GLRA3: variants seen among roughly 807,000 people sequenced by gnomAD.
The protein encoded by GLRA3 is glycine receptor alpha 3, also known as glycine receptor subunit alpha-3.
Under a neutral mutation model 60.4 loss-of-function variants are expected in GLRA3, and 44 were observed. The observed-to-expected ratio is 0.73, with a 90% CI of 0.57 to 0.94. The LOEUF is 0.94. Ranked by LOEUF, GLRA3 falls within the 40% of genes least tolerant of loss-of-function variation. The probability of loss-of-function intolerance (pLI) is 0.00; values close to 1 mark genes in which losing one functional copy is unlikely to be tolerated. For synonymous variants in GLRA3, 223 were observed against 192.9 expected, an observed-to-expected ratio of 1.16 and a Z score of -1.29; for missense variants, 508 against 564.6, an observed-to-expected ratio of 0.90 and a Z score of 1.02.
intron 5 of GLRA3, among the ~76,000 whole-genome samples, chr4:174,709,105 T>C (rs1488983715): frequency 6.6e-6 from 1 of 152,040 alleles, no homozygotes. Flanking sequence ...AACGTATCCG[T>C]TGAAAATTAC....
At chr4:174,771,633 CAGGAGGAAGCTACTATT>C (rs1388431178) in intron 2 of GLRA3, among the ~76,000 whole-genome samples, 1 of 151,968 alleles carries the variant, frequency 6.6e-6, no homozygotes, top group African/African-American at 2.4e-5. Flanking sequence ...GAACATGGCC[CAGGAGGAAGCTACTATT>C]AGACCACTGC....
At chr4:174,782,012 C>CT (rs1738898235) in intron 2 of GLRA3, among the ~76,000 whole-genome samples, 1 of 146,108 alleles carries the variant, frequency 6.8e-6, no homozygotes, top group African/African-American at 2.5e-5. Flanking sequence ...GAGACACAAC[C>CT]AAAAAAGAGA....
In GLRA3 at chr4:174,656,806, G is replaced by A. The variant is rs757421740; in HGVS notation, c.1072-19C>T. On this transcript the variant is annotated intron_variant, in intron 8 of 9. Coordinates refer to ENST00000274093, the MANE Select transcript of GLRA3 (RefSeq NM_006529.4). ...CTTCTGTCTGTGGGAAGGTAAAGTG[G>A]ACCAAGAGGAATTGAGAAACCAGAG... is the stretch of plus-strand genomic sequence containing the variant. 1.3e-5 allele frequency: 20 copies of A among 1,496,448 alleles called. 1 individual carries two copies. In the African/African-American group the frequency reaches 2.3e-4, roughly 18 times the overall value. 92.7% of individuals were successfully genotyped at this position (1,496,448 alleles called of 1,614,324 possible).
At chr4:174,819,625 G>A (rs531448048) in intron 1 of GLRA3, among the ~76,000 whole-genome samples, 5 of 151,972 alleles carry the variant, frequency 3.3e-5, no homozygotes, top group Admixed American at 2.0e-4. Flanking sequence ...TTACTATTTC[G>A]GGTAGTTATT....
intron 1 of GLRA3, among the ~76,000 whole-genome samples, chr4:174,794,279 G>T (rs1299996801): frequency 6.6e-6 from 1 of 152,096 alleles, no homozygotes; most frequent in African/African-American, 2.4e-5. Flanking sequence ...AGTGGATGTA[G>T]AGATGTCATC....
intron 3 of GLRA3, among the ~76,000 whole-genome samples, chr4:174,753,424 A>G (rs983497363): frequency 6.6e-6 from 1 of 152,234 alleles, no homozygotes; most frequent in Non-Finnish European, 1.5e-5. Context: ...TTGACATGCT[A>G]GATTCATAAC....
chr4:174,704,997 T>C (rs1735462431), intron 5 of GLRA3, among the ~76,000 whole-genome samples: 1 of 143,696 alleles, frequency 7.0e-6, no homozygotes, highest in Non-Finnish European at 1.5e-5. Context: ...ATGAAATAGT[T>C]TGGGAGATTG....
chr4:174,790,953 G>A (rs538166741), intron 1 of GLRA3, among the ~76,000 whole-genome samples: 4 of 148,344 alleles, frequency 2.7e-5, no homozygotes, highest in African/African-American at 7.5e-5. Flanking sequence ...GCAGTGAGCC[G>A]AGATCACGCG....
intron 3 of GLRA3, among the ~76,000 whole-genome samples, chr4:174,752,994 T>C (rs184547427): frequency 7.2e-5 from 11 of 152,318 alleles, no homozygotes; most frequent in Non-Finnish European, 1.5e-4. Context: ...GCTTATGTTA[T>C]CAAGCCTCCT....
intron 1 of GLRA3, among the ~76,000 whole-genome samples, chr4:174,810,768 A>AGC (rs1418887421): frequency 6.6e-6 from 1 of 152,230 alleles, no homozygotes; most frequent in Admixed American, 6.5e-5. Context: ...TTACCACAGT[A>AGC]GCAGCTTCAT....
intron 9 of GLRA3, among the ~76,000 whole-genome samples, chr4:174,655,903 A>G (rs574551264): frequency 6.6e-6 from 1 of 152,272 alleles, no homozygotes; most frequent in South Asian, 2.1e-4. Context: ...TACTGCAAGA[A>G]TTATTTAACA....
At chr4:174,728,219 G>A (rs1736395130) in intron 4 of GLRA3, among the ~76,000 whole-genome samples, 1 of 152,052 alleles carries the variant, frequency 6.6e-6, no homozygotes, top group South Asian at 2.1e-4. Context: ...CTGACAACCT[G>A]GCTGATATTA....
rs960351031 is a variant in GLRA3 at position 174,640,873 on chromosome 4, A to G, written c.*2913T>C. The G allele has an allele frequency of 6.6e-6, 1 of 152,098 alleles. No homozygotes were observed. The highest frequency in any genetic ancestry group is 1.5e-5 in the Non-Finnish European group (1 of 67,970). The allele number at this position is 152,098 out of a possible 1,614,324, so 9.4% of individuals were successfully genotyped here. On this transcript the variant is annotated 3_prime_UTR_variant, in exon 10 of 10. Transcript: ENST00000274093. ...CCACTGAGAGTTGGATGGGGTCTCC[A>G]GCGCCATGGAGAAACTTTTGGAAGG...
intron 5 of GLRA3, among the ~76,000 whole-genome samples, chr4:174,714,692 T>C (rs1266562408): frequency 6.6e-6 from 1 of 152,190 alleles, no homozygotes; most frequent in Admixed American, 6.5e-5. Flanking sequence ...AACAGTCCTT[T>C]TATTCCCCCT....
intron 1 of GLRA3, among the ~76,000 whole-genome samples, chr4:174,808,960 T>C (rs72708274): frequency 0.13 from 19,123 of 152,058 alleles, 1,281 homozygotes; most frequent in South Asian, 0.17. Context: ...AGAAAGAAAA[T>C]ATTTTTTAAT....
intron 3 of GLRA3, among the ~76,000 whole-genome samples, chr4:174,752,964 T>C (rs1256653580): frequency 6.6e-6 from 1 of 152,204 alleles, no homozygotes; most frequent in African/African-American, 2.4e-5. Context: ...TGTTTCTTCA[T>C]GTTCTCCATA....
At chr4:174,801,289 C>T (rs1184880771) in intron 1 of GLRA3, among the ~76,000 whole-genome samples, 1 of 152,022 alleles carries the variant, frequency 6.6e-6, no homozygotes, top group African/African-American at 2.4e-5. Context: ...ACTTTTTTCT[C>T]TAATGACACG....
intron 3 of GLRA3, among the ~76,000 whole-genome samples, chr4:174,746,456 G>A (rs914711631): frequency 1.3e-5 from 2 of 152,046 alleles, no homozygotes; most frequent in South Asian, 2.1e-4. Flanking sequence ...ATCACTTCAC[G>A]GACATAGAGA....
chr4:174,723,177 TA>T (rs1417468213), intron 4 of GLRA3, among the ~76,000 whole-genome samples: 1 of 152,136 alleles, frequency 6.6e-6, no homozygotes, highest in African/African-American at 2.4e-5. Flanking sequence ...TAATTGTATT[TA>T]AATTATTTAA....
Sources: allele counts gnomAD v4.1 joint callset (sites outside exome capture counted in the v4.1 genomes callset), GRCh38; gene constraint gnomAD v4.1.1; transcripts MANE v1.5; gene names NCBI Gene and HGNC (gene_info 2026-07-23, HGNC 2026-07-21).